Variants in CRACR2A observed in about 807,000 individuals in gnomAD.
CRACR2A encodes the protein EF-hand calcium-binding domain-containing protein 4B.
A neutral mutation model predicts 90.5 loss-of-function variants in CRACR2A; 79 were observed. The ratio of observed to expected loss-of-function variants is 0.87; its 90% CI spans 0.73 to 1.05. The LOEUF (loss-of-function observed/expected upper bound fraction) is 1.05. CRACR2A is among the 50% of genes least tolerant of loss of function. The pLI, the probability that CRACR2A is intolerant of heterozygous loss-of-function variation, is 0.00. For synonymous variants in CRACR2A, 338 were observed against 356.7 expected (o/e 0.95, Z 0.59); for missense variants, 823 against 897.2 (o/e 0.92, Z 1.06).
chr12:3,617,052 A>G (rs1249173263), intron 18 of CRACR2A, 22 bp from the exon 19 acceptor site: 28 of 1,535,704 alleles, frequency 1.8e-5, no homozygotes, highest in Non-Finnish European at 2.2e-5. Context: ...AAACAGAGCG[A>G]ATACAAGAGT....
chr12:3,642,758 G>T (rs1480535577), intron 12 of CRACR2A, among the ~76,000 whole-genome samples: 1 of 152,200 alleles, frequency 6.6e-6, no homozygotes, highest in Non-Finnish European at 1.5e-5. Context: ...GGACCTGGGT[G>T]GAGCAGGGGT....
intron 10 of CRACR2A, 31 bp downstream of exon 10, chr12:3,654,181 C>T (rs759541236): frequency 3.1e-6 from 5 of 1,604,026 alleles, no homozygotes; most frequent in Non-Finnish European, 4.2e-6. Context: ...TGCGGGAAGA[C>T]AGCAGAGGAG....
At chr12:3,706,498 G>A (rs1945923999) in intron 3 of CRACR2A, among the ~76,000 whole-genome samples, 1 of 152,204 alleles carries the variant, frequency 6.6e-6, no homozygotes, top group African/African-American at 2.4e-5. Flanking sequence ...AGGCCAGAGT[G>A]CCTGAGTTAG....
Position 3,679,046 on chromosome 12 carries a change from C to G in CRACR2A, c.393G>C (p.Gln131His). The change falls in exon 6 of 20, where the codon CAG becomes CAC. Residue 131 changes from glutamine to histidine, a missense_variant. Physicochemically the swap from Gln to His is conservative, Grantham distance 24. Transcript: ENST00000440314. ...NNPSQEDAGEQVAQRHEEKVY... is the reference protein window; with the variant it reads ...NNPSQEDAGEHVAQRHEEKVY... ...CCTTCTCTTCATGGCGCTGGGCCAC[C>G]TGTTCACCTGCATCTTCCTGACTTG... 1.7e-5 allele frequency: 28 copies of G among 1,613,936 alleles called. No individual in the cohort carries two copies. The highest frequency in any genetic ancestry group is 2.4e-5 in the Non-Finnish European group (28 of 1,179,956).
At position 3,654,201 on chromosome 12, in the gene CRACR2A, G is replaced by T. The variant is rs200032523; in HGVS notation, c.1046+11C>A. The stretch of plus-strand genomic sequence containing the variant: ...GAAGACAGCAGAGGAGTGGACAAAG[G>T]CTGGACTCACATCTCCTTCTCTTGG... On this transcript the variant is annotated intron_variant, in intron 10 of 19. Transcript: ENST00000440314. 1.2e-6 allele frequency: 2 copies of T among 1,609,580 alleles called. No individual in the cohort carries two copies. The highest frequency in any genetic ancestry group is 2.2e-5 in the South Asian group (2 of 90,764).
intron 12 of CRACR2A, among the ~76,000 whole-genome samples, chr12:3,644,216 T>C (rs1043388311): frequency 6.6e-6 from 1 of 151,596 alleles, no homozygotes; most frequent in Non-Finnish European, 1.5e-5. Flanking sequence ...CAGTATAAAA[T>C]GCAAAATTTT....
intron 10 of CRACR2A, among the ~76,000 whole-genome samples, chr12:3,649,667 C>T (rs903716512): frequency 2.6e-5 from 4 of 152,120 alleles, no homozygotes; most frequent in Non-Finnish European, 4.4e-5. Context: ...GAGGGCAACT[C>T]AGGTGGGGAG....
Position 3,633,624 on chromosome 12 carries a change from G to C in CRACR2A, c.1715C>G (p.Pro572Arg). 1 of 1,551,670 alleles carries C rather than the reference G, an allele frequency of 6.4e-7. No homozygotes were observed. The highest frequency in any genetic ancestry group is 2.4e-5 in the East Asian group (1 of 40,898). The change falls in exon 15 of 20, where the codon CCA (proline) becomes CGA (arginine). Residue 572 changes from proline to arginine, a missense_variant. Physicochemically the swap from Pro to Arg is moderately radical, Grantham distance 103. Coordinates refer to ENST00000440314, the MANE Select transcript of CRACR2A (RefSeq NM_001144958.2). This position sits in a 1 kb window ranked among gnomAD's most constrained non-coding sequence, Gnocchi z 4.5. ...CTCACCCACAGTGGCCGCCATGCCT[G>C]GGGAGAACCGGTCCTCACAGAATCT... The part of the protein sequence containing the change: ...LRRFCEDRFS[P>R]GMAATVGIDY...
At chr12:3,706,943 C>T (rs1945933916) in intron 3 of CRACR2A, among the ~76,000 whole-genome samples, 1 of 152,130 alleles carries the variant, frequency 6.6e-6, no homozygotes, top group African/African-American at 2.4e-5. Flanking sequence ...AATTGGCTTC[C>T]TCCACCTCAG....
At chr12:3,712,357 C>A (rs1392409233) in intron 3 of CRACR2A, among the ~76,000 whole-genome samples, 1 of 152,192 alleles carries the variant, frequency 6.6e-6, no homozygotes, top group African/African-American at 2.4e-5. Flanking sequence ...TATGGTTCTG[C>A]AAGCTATGCA....
In CRACR2A at chr12:3,739,891, G is replaced by A. The variant is rs1946499343; in HGVS notation, c.-386-6681C>T. ...GGAGGTTGCAGTGAGCCGAGATCAC[G>A]CTACAGCACTCCAGCCTGGCGACAG... On this transcript the variant is annotated intron_variant, in intron 1 of 19. Transcript: ENST00000440314. Among the ~76,000 whole-genome samples the A allele has an allele frequency of 2.7e-5, 4 of 149,674 alleles. No homozygotes were observed. The South Asian group carries it at 8.4e-4, about 32-fold the overall frequency.
intron 19 of CRACR2A, among the ~76,000 whole-genome samples, chr12:3,615,973 A>G (rs1010834029): frequency 6.6e-6 from 1 of 152,288 alleles, no homozygotes; most frequent in African/African-American, 2.4e-5. Context: ...GGAATTAAAA[A>G]TAATGGTAAA....
chr12:3,700,932 G>A (rs539305678), intron 3 of CRACR2A, among the ~76,000 whole-genome samples: 12 of 152,218 alleles, frequency 7.9e-5, no homozygotes, highest in African/African-American at 2.4e-4. Context: ...ATGGAATACT[G>A]ACCAAGATAA....
intron 3 of CRACR2A, among the ~76,000 whole-genome samples, chr12:3,697,619 T>C (rs986800707): frequency 2.8e-4 from 42 of 152,204 alleles, no homozygotes; most frequent in Admixed American, 2.6e-3. Flanking sequence ...TCAGCATTGC[T>C]GAGGGTGGAA....
rs553706151 is a variant in CRACR2A at position 3,708,232 on chromosome 12, C to T, written c.-37+5005G>A. On this transcript the variant is annotated intron_variant, in intron 3 of 19. Coordinates refer to ENST00000440314, the MANE Select transcript of CRACR2A (RefSeq NM_001144958.2). Reference sequence around the variant, plus strand: ...TAAAGAGCCCTTATCCAACGACTGACAGGCGTGGAATTATGAAAGCCCGGT... The same window carrying T: ...TAAAGAGCCCTTATCCAACGACTGATAGGCGTGGAATTATGAAAGCCCGGT... Among the ~76,000 whole-genome samples the T allele has an allele frequency of 5.3e-5, 8 of 152,294 alleles. No individual in the cohort carries two copies. The South Asian group carries it at 1.7e-3, about 32-fold the overall frequency.
chr12:3,713,674 C>T (rs11062770), intron 2 of CRACR2A, among the ~76,000 whole-genome samples: 37,291 of 152,062 alleles, frequency 0.25, 4,770 homozygotes, highest in Admixed American at 0.32. Context: ...ATTCTTTCCA[C>T]CCAATCCACA....
At chr12:3,726,698 G>A (rs1035156896) in intron 2 of CRACR2A, 2 of 152,092 alleles carry the variant, frequency 1.3e-5, no homozygotes, top group East Asian at 1.9e-4. Flanking sequence ...TCAGTCTTAC[G>A]TATAAGTGTA....
intron 2 of CRACR2A, among the ~76,000 whole-genome samples, chr12:3,719,090 G>A (rs1946119221): frequency 6.6e-6 from 1 of 152,182 alleles, no homozygotes; most frequent in Non-Finnish European, 1.5e-5. Context: ...AGAATGTTTT[G>A]GGGGAGTTAA....
At chr12:3,727,269 A>T (rs1946285824) in intron 2 of CRACR2A, 1 of 152,182 alleles carries the variant, frequency 6.6e-6, no homozygotes, top group Admixed American at 6.5e-5. Context: ...ATATCAGAGT[A>T]AGAAGGAAGA....
Sources: gnomAD v4.1 joint callset for allele counts (sites outside exome capture counted in the v4.1 genomes callset) on GRCh38, gnomAD v4.1.1 for gene constraint, Gnocchi (gnomAD v3.1) non-coding constraint, MANE v1.5 for transcripts, NCBI Gene and HGNC (gene_info 2026-07-23, HGNC 2026-07-21) for gene names.